ZFHX3: variants seen among roughly 807,000 people sequenced by gnomAD.
The protein encoded by ZFHX3 is zinc finger homeobox 3, also known as zinc finger homeobox protein 3.
In ZFHX3, 42 loss-of-function variants were observed where a neutral mutation model predicts 279.1. The ratio of observed to expected loss-of-function variants is 0.15; its 90% CI spans 0.12 to 0.19. The LOEUF (loss-of-function observed/expected upper bound fraction) is 0.19. Among genes scored for constraint, ZFHX3 ranks in the 10% least tolerant of loss-of-function variants. The pLI, the probability that ZFHX3 is intolerant of heterozygous loss-of-function variation, is 1.00. For synonymous variants in ZFHX3, 2,293 were observed against 1,957.8 expected (o/e 1.17, Z -4.52); for missense variants, 4,981 against 4,754.0 (o/e 1.05, Z -1.40).
chr16:73,373,505 T>C (rs2016668764), intron 3 of ZFHX3, among the ~76,000 whole-genome samples: 1 of 152,168 alleles, frequency 6.6e-6, no homozygotes, highest in Non-Finnish European at 1.5e-5. Context: ...GATCAGGATG[T>C]GGAAACTCCC....
intron 7 of ZFHX3, among the ~76,000 whole-genome samples, chr16:73,117,625 A>C (rs140791882): frequency 8.2e-4 from 125 of 152,344 alleles, no homozygotes; most frequent in Non-Finnish European, 1.2e-3. Context: ...CAATTGTTTA[A>C]ATTGTTAGGT....
At chr16:73,016,283 G>A (rs1287681644) in intron 1 of ZFHX3, among the ~76,000 whole-genome samples, 1 of 152,054 alleles carries the variant, frequency 6.6e-6, no homozygotes, top group Non-Finnish European at 1.5e-5. Context: ...TTGTGTTTTG[G>A]TTTTTAAGGT....
intron 3 of ZFHX3, among the ~76,000 whole-genome samples, chr16:73,393,240 T>TAC (rs1031235293): frequency 2.0e-5 from 3 of 152,332 alleles, no homozygotes; most frequent in African/African-American, 7.2e-5. Flanking sequence ...GGAGCCATTG[T>TAC]ACCCGGCCCT....
intron 1 of ZFHX3, among the ~76,000 whole-genome samples, chr16:73,007,303 AGC>A (rs1963744220): frequency 6.6e-6 from 1 of 152,192 alleles, no homozygotes; most frequent in Non-Finnish European, 1.5e-5. Flanking sequence ...GAATTATGCT[AGC>A]TTTGTCAAAT....
intron 2 of ZFHX3, chr16:73,483,337 C>CAGAGAGAGAGAGAA: frequency 2.4e-6 from 1 of 412,144 alleles, no homozygotes; most frequent in African/African-American, 2.7e-5. Flanking sequence ...GAGTGAGAGA[C>CAGAGAGAGAGAGAA]AGAGAGAGAG....
At chr16:73,768,901 A>T (rs2053984870) in intron 1 of ZFHX3, among the ~76,000 whole-genome samples, 1 of 152,210 alleles carries the variant, frequency 6.6e-6, no homozygotes, top group Non-Finnish European at 1.5e-5. Flanking sequence ...AGGAAGAGTG[A>T]ACCCACATAC....
chr16:73,427,551 A>G (rs1403594862), intron 3 of ZFHX3, among the ~76,000 whole-genome samples: 1 of 152,164 alleles, frequency 6.6e-6, no homozygotes, highest in Non-Finnish European at 1.5e-5. Context: ...GATGCTGTGC[A>G]AGACCTAGGG....
intron 3 of ZFHX3, among the ~76,000 whole-genome samples, chr16:72,901,558 C>A (rs1005175258): frequency 6.6e-6 from 1 of 152,114 alleles, no homozygotes; most frequent in Non-Finnish European, 1.5e-5. Flanking sequence ...AGTGACGGGG[C>A]GAGGCAGAAA....
chr16:73,001,487 T>C (rs1963495296), intron 1 of ZFHX3, among the ~76,000 whole-genome samples: 1 of 152,042 alleles, frequency 6.6e-6, no homozygotes, highest in Non-Finnish European at 1.5e-5. Context: ...CAGCAATAGA[T>C]AACAATACAC....
At chr16:72,896,808 T>C (rs1367321111) in intron 3 of ZFHX3, among the ~76,000 whole-genome samples, 6 of 152,196 alleles carry the variant, frequency 3.9e-5, no homozygotes, top group Admixed American at 3.9e-4. Context: ...TGCAAAATAT[T>C]GATCAGGTTT....
chr16:73,695,994 A>G (rs922240089), intron 1 of ZFHX3, among the ~76,000 whole-genome samples: 1 of 152,222 alleles, frequency 6.6e-6, no homozygotes, highest in African/African-American at 2.4e-5. Context: ...TGTCCTGACT[A>G]TAATTTGGGT....
At chr16:73,484,351 A>G (rs753796861) in intron 2 of ZFHX3, among the ~76,000 whole-genome samples, 1 of 152,146 alleles carries the variant, frequency 6.6e-6, no homozygotes, top group Non-Finnish European at 1.5e-5. Context: ...CAATTCAGAC[A>G]TGGGCTTGAA....
chr16:73,870,046 T>A (rs1338742920), intron 1 of ZFHX3, among the ~76,000 whole-genome samples: 1 of 152,206 alleles, frequency 6.6e-6, no homozygotes, highest in Non-Finnish European at 1.5e-5. Context: ...AAGAAAACCT[T>A]TGACTCTTTA....
At chr16:73,378,359 G>A (rs1172070053) in intron 3 of ZFHX3, among the ~76,000 whole-genome samples, 2 of 152,060 alleles carry the variant, frequency 1.3e-5, no homozygotes, top group Non-Finnish European at 2.9e-5. Context: ...CAAATGATTG[G>A]CCCTTTAAGG....
intron 2 of ZFHX3, chr16:73,487,462 A>G: frequency 2.3e-6 from 1 of 441,438 alleles, no homozygotes; most frequent in Non-Finnish European, 4.5e-6. Context: ...GAGTGCCAGC[A>G]TGATTATGGC....
Position 73,546,325 on chromosome 16 carries a change from T to A in ZFHX3, c.-1546-90067A>T, listed in dbSNP as rs576582118. On this transcript the variant is annotated intron_variant, in intron 2 of 17. Transcript: ENST00000641206. ...TCTCCCCCTGTGCATCCAATAGGTT[T>A]CTGGGAAGCTGCGTTGGAGGCTGTA... Among the ~76,000 whole-genome samples, 11 of 152,242 alleles carry A rather than the reference T, an allele frequency of 7.2e-5. No homozygotes were observed. The East Asian group carries it at 1.9e-3, about 27-fold the overall frequency.
intron 5 of ZFHX3, among the ~76,000 whole-genome samples, chr16:73,251,634 C>T (rs2013490687): frequency 6.6e-6 from 1 of 151,980 alleles, no homozygotes; most frequent in Non-Finnish European, 1.5e-5. Flanking sequence ...AAATGAAAAA[C>T]AGATAGATTA....
At chr16:72,812,115 C>A in intron 5 of ZFHX3, 77 bp from the exon 6 acceptor site, 3 of 1,541,412 alleles carry the variant, frequency 1.9e-6, no homozygotes, top group South Asian at 1.3e-5. Context: ...GGGTGAAAAT[C>A]AACATTCATT....
At chr16:72,836,553 C>T (rs533369534) in intron 4 of ZFHX3, among the ~76,000 whole-genome samples, 1 of 152,236 alleles carries the variant, frequency 6.6e-6, no homozygotes, top group African/African-American at 2.4e-5. Context: ...ACATCGTACA[C>T]TCAGCATCTT....
Sources: gnomAD v4.1 joint callset for allele counts (sites outside exome capture counted in the v4.1 genomes callset) on GRCh38, gnomAD v4.1.1 for gene constraint, MANE v1.5 for transcripts, NCBI Gene and HGNC (gene_info 2026-07-23, HGNC 2026-07-21) for gene names.